The following ERICH3 variants were observed in gnomAD, a reference collection of about 807,000 sequenced individuals.
ERICH3 encodes glutamate rich 3.
ERICH3 carries 126 observed loss-of-function variants against 131.1 expected under a neutral mutation model. That is an observed-to-expected ratio of 0.96 (90% CI 0.83 to 1.11). The LOEUF is 1.11. ERICH3 is among the 50% of genes most tolerant of loss of function. The probability of loss-of-function intolerance (pLI) is 0.00; values close to 1 mark genes in which losing one functional copy is unlikely to be tolerated. For synonymous variants in ERICH3, 695 were observed against 644.6 expected, an observed-to-expected ratio of 1.08 and a Z score of -1.18; for missense variants, 2,050 against 1,810.7, an observed-to-expected ratio of 1.13 and a Z score of -2.40.
chr1:74,628,266 T>C (rs1466198157), intron 7 of ERICH3, among the ~76,000 whole-genome samples: 2 of 152,154 alleles, frequency 1.3e-5, no homozygotes, highest in African/African-American at 4.8e-5. Flanking sequence ...AATAACATCA[T>C]GGGACTCAAC....
chr1:74,596,477 G>A (rs1028472276), intron 11 of ERICH3, among the ~76,000 whole-genome samples: 13 of 151,852 alleles, frequency 8.6e-5, no homozygotes, highest in African/African-American at 2.9e-4. Context: ...TCTTTGTGGC[G>A]ACAATATTCA....
At chr1:74,582,813 T>C (rs1194250485) in intron 12 of ERICH3, among the ~76,000 whole-genome samples, 2 of 152,196 alleles carry the variant, frequency 1.3e-5, no homozygotes, top group African/African-American at 4.8e-5. Context: ...TTGGAATTTT[T>C]CAGGTATTTT....
chr1:74,648,694 T>C (rs1464189997), intron 2 of ERICH3, among the ~76,000 whole-genome samples: 6 of 152,178 alleles, frequency 3.9e-5, no homozygotes, highest in African/African-American at 1.4e-4. Flanking sequence ...TTTCACATTG[T>C]ATACATTTAG....
At chr1:74,594,186 A>G (rs1647737297) in intron 11 of ERICH3, among the ~76,000 whole-genome samples, 1 of 152,054 alleles carries the variant, frequency 6.6e-6, no homozygotes, top group Non-Finnish European at 1.5e-5. Flanking sequence ...AACATTTATC[A>G]TGATGCTATT....
At chr1:74,644,766 G>A (rs910252242) in intron 3 of ERICH3, among the ~76,000 whole-genome samples, 1 of 151,962 alleles carries the variant, frequency 6.6e-6, no homozygotes, top group South Asian at 2.1e-4. Context: ...ATCTTTTCCA[G>A]CTCATTAATC....
At chr1:74,620,409 T>C (rs1434045747) in intron 8 of ERICH3, among the ~76,000 whole-genome samples, 3 of 152,220 alleles carry the variant, frequency 2.0e-5, no homozygotes, top group Non-Finnish European at 2.9e-5. Flanking sequence ...TAATTCACTA[T>C]GGCAAGCCAA....
intron 9 of ERICH3, among the ~76,000 whole-genome samples, chr1:74,608,356 T>C (rs1458362391): frequency 2.6e-5 from 4 of 151,976 alleles, no homozygotes; most frequent in Non-Finnish European, 5.9e-5. Context: ...TTCCCCTCTC[T>C]GCATGTGATA....
At position 74,573,150 on chromosome 1, in the gene ERICH3, C is replaced by T; in HGVS notation, c.2560G>A (p.Gly854Arg). 6.2e-7 allele frequency: 1 copy of T among 1,613,134 alleles called. No homozygotes were observed. Reference protein sequence around the residue: ...EAEGVRRLGEGGSDPIGQAAA... With the variant: ...EAEGVRRLGERGSDPIGQAAA... ...GCTTGTCCTATGGGGTCTGACCCCC[C>T]TTCACCCAGCCTTCTGACCCCTTCT... Residue 854 changes from glycine (G) to arginine (R), a missense_variant, in exon 14 of 15, where the codon GGG (glycine) becomes AGG (arginine). Transcript: ENST00000326665.
At chr1:74,580,327 G>A (rs987556833) in intron 12 of ERICH3, among the ~76,000 whole-genome samples, 3 of 151,844 alleles carry the variant, frequency 2.0e-5, no homozygotes. Flanking sequence ...ACTAAATTTC[G>A]GTTCATCAAT....
At chr1:74,620,220 C>T (rs191238612) in intron 8 of ERICH3, among the ~76,000 whole-genome samples, 64 of 152,212 alleles carry the variant, frequency 4.2e-4, no homozygotes, top group Admixed American at 2.1e-3. Context: ...TGCTGACAAA[C>T]GTGGATTTAT....
In ERICH3 at chr1:74,592,969, G is replaced by A. The variant is rs183136524; in HGVS notation, c.1727-2889C>T. ...ATATTAAAAAAAACTTTGAGAGCAC[G>A]TATGTAAATTTGCTTTGTCATTAGG... is the stretch of plus-strand genomic sequence containing the variant. On this transcript the variant is annotated intron_variant, in intron 11 of 14. Transcript: ENST00000326665. 2.1e-3 allele frequency among the ~76,000 whole-genome samples: 319 copies of A among 152,186 alleles called. 5 individuals carry two copies. Among genetic ancestry groups the A allele is most frequent in the Admixed American group, 3.7e-3 (57 of 15,262 alleles).
In ERICH3 at chr1:74,620,871, G is replaced by A. The variant is rs1409976222; in HGVS notation, c.863C>T (p.Ala288Val). Residue 288 changes from alanine to valine, a missense_variant, in exon 8 of 15, where the codon GCT becomes GTT. Ala to Val is a moderately conservative substitution (Grantham distance 64, BLOSUM62 0). Transcript: ENST00000326665. Reference protein sequence around the residue: ...IHKTSLHSNAAITMIYLGKNV... With the variant: ...IHKTSLHSNAVITMIYLGKNV... ...TTTCCCCAAATAGATCATTGTAATA[G>A]CTGCATTACTATGTAAGGATGTTTT... The A allele has an allele frequency of 6.2e-7, 1 of 1,611,144 alleles. No individual in the cohort carries two copies. Among genetic ancestry groups the A allele is most frequent in the Admixed American group, 1.7e-5 (1 of 59,610 alleles).
chr1:74,605,311 C>T (rs1363430882), intron 10 of ERICH3, among the ~76,000 whole-genome samples: 12 of 151,810 alleles, frequency 7.9e-5, no homozygotes, highest in Admixed American at 2.6e-4. Context: ...CTATTGAGAC[C>T]GCTAAAATAC....
In ERICH3 at chr1:74,641,358, A is replaced by G. The variant is rs370739598; in HGVS notation, c.417T>C (p.Asp139=). ...KSNRGHSVLV[D]EGHSSPLALT... The stretch of plus-strand genomic sequence containing the variant: ...GTGCTAACGGACTGGAATGTCCTTC[A>G]TCAACCAGAACACTATGGCCACGAT... Residue 139 remains aspartate (D), a synonymous_variant, in exon 5 of 15, where the codon GAT becomes GAC. Coordinates refer to ENST00000326665, the MANE Select transcript of ERICH3 (RefSeq NM_001002912.5). 25 of 1,612,758 alleles carry G rather than the reference A, an allele frequency of 1.6e-5. No individual in the cohort carries two copies. The African/African-American group carries it at 2.9e-4, about 19-fold the overall frequency.
chr1:74,582,308 C>G (rs928733857), intron 12 of ERICH3, among the ~76,000 whole-genome samples: 1 of 152,198 alleles, frequency 6.6e-6, no homozygotes, highest in Non-Finnish European at 1.5e-5. Context: ...CACAAGATAG[C>G]TCCTGATGTC....
At chr1:74,614,811 TAG>T (rs1163168087) in intron 8 of ERICH3, among the ~76,000 whole-genome samples, 1 of 152,178 alleles carries the variant, frequency 6.6e-6, no homozygotes, top group Non-Finnish European at 1.5e-5. Flanking sequence ...TGAAAAAGGT[TAG>T]AGTCTGGGAA....
intron 9 of ERICH3, among the ~76,000 whole-genome samples, chr1:74,608,290 A>G (rs983067180): frequency 6.6e-6 from 1 of 151,968 alleles, no homozygotes; most frequent in Non-Finnish European, 1.5e-5. Context: ...ATGATCTGAA[A>G]AATGTTTCTG....
intron 1 of ERICH3, among the ~76,000 whole-genome samples, chr1:74,673,007 A>T (rs1231177684): frequency 6.6e-6 from 1 of 152,166 alleles, no homozygotes; most frequent in Non-Finnish European, 1.5e-5. Flanking sequence ...GCAGAAAAAA[A>T]TCCCTGAAAT....
rs777363079 is a variant in ERICH3 at position 74,620,855 on chromosome 1, A to G, written c.879T>C (p.Tyr293=). 1.2e-6 allele frequency: 2 copies of G among 1,612,868 alleles called. No individual in the cohort carries two copies. The highest frequency in any genetic ancestry group is 8.5e-7 in the Non-Finnish European group (1 of 1,179,214). ...LHSNAAITMI[Y]LGKNVHLSSD... Reference sequence around the variant, plus strand: ...AAGATAGGTGCACATTTTTCCCCAAATAGATCATTGTAATAGCTGCATTAC... The same window carrying G: ...AAGATAGGTGCACATTTTTCCCCAAGTAGATCATTGTAATAGCTGCATTAC... Residue 293 remains tyrosine (Y), a synonymous_variant, in exon 8 of 15, where the codon TAT becomes TAC. Coordinates refer to ENST00000326665, the MANE Select transcript of ERICH3 (RefSeq NM_001002912.5).
Sources: gnomAD v4.1 joint callset for allele counts (sites outside exome capture counted in the v4.1 genomes callset) on GRCh38, gnomAD v4.1.1 for gene constraint, MANE v1.5 for transcripts, NCBI Gene and HGNC (gene_info 2026-07-23, HGNC 2026-07-21) for gene names.